Variants in ARHGEF38 observed in about 807,000 individuals in gnomAD.
ARHGEF38 encodes Rho guanine nucleotide exchange factor 38.
ARHGEF38 carries 79 observed loss-of-function variants against 79.9 expected under a neutral mutation model. That is an observed-to-expected ratio of 0.99 (90% CI 0.82 to 1.19). The LOEUF is 1.19. ARHGEF38 is among the 50% of genes most tolerant of loss of function. The pLI, the probability that ARHGEF38 is intolerant of heterozygous loss-of-function variation, is 0.00. For synonymous variants in ARHGEF38, 366 were observed against 328.3 expected (o/e 1.11, Z -1.24); for missense variants, 962 against 907.2 (o/e 1.06, Z -0.78).
At position 105,568,052 on chromosome 4, in the gene ARHGEF38, G is replaced by A. The variant is rs925035024; in HGVS notation, c.196+15091G>A. ...GCGGTGTTTGGTTTTTTGTTCTTGCGATAGTTTACTGAGAATGATGATTTC... is the reference window on the plus strand; with the variant it reads ...GCGGTGTTTGGTTTTTTGTTCTTGCAATAGTTTACTGAGAATGATGATTTC... On this transcript the variant is annotated intron_variant, in intron 1 of 13. Coordinates refer to ENST00000420470, the MANE Select transcript of ARHGEF38 (RefSeq NM_001242729.2). Among the ~76,000 whole-genome samples the A allele has an allele frequency of 3.0e-4, 45 of 148,666 alleles. 1 individual carries two copies. Among genetic ancestry groups the A allele is most frequent in the Admixed American group, 2.2e-3 (33 of 14,706 alleles).
At chr4:105,574,392 A>C (rs1726381249) in intron 1 of ARHGEF38, among the ~76,000 whole-genome samples, 1 of 151,002 alleles carries the variant, frequency 6.6e-6, no homozygotes, top group Non-Finnish European at 1.5e-5. Context: ...CTAAAGATAC[A>C]AAAAAAAATT....
intron 4 of ARHGEF38, among the ~76,000 whole-genome samples, chr4:105,635,397 T>G (rs1729357434): frequency 6.6e-6 from 1 of 152,110 alleles, no homozygotes; most frequent in Non-Finnish European, 1.5e-5. Context: ...ACACAATGTT[T>G]AATTTATGTT....
intron 2 of ARHGEF38, among the ~76,000 whole-genome samples, chr4:105,603,930 T>C (rs1727930565): frequency 1.3e-5 from 2 of 152,200 alleles, no homozygotes; most frequent in South Asian, 2.1e-4. Context: ...ATCTGATAGC[T>C]AAGAAATTGA....
At chr4:105,565,172 C>T (rs1172926702) in intron 1 of ARHGEF38, among the ~76,000 whole-genome samples, 1 of 152,102 alleles carries the variant, frequency 6.6e-6, no homozygotes, top group Non-Finnish European at 1.5e-5. Context: ...AATCACATGC[C>T]CTTCCAATGA....
At chr4:105,654,203 A>G in intron 8 of ARHGEF38, 34 bp downstream of exon 8, 2 of 1,222,396 alleles carry the variant, frequency 1.6e-6, no homozygotes, top group South Asian at 1.6e-5. Context: ...AGTGTTCTAC[A>G]GGAACATCTG....
chr4:105,602,812 G>A (rs796181133), intron 2 of ARHGEF38, among the ~76,000 whole-genome samples: 21 of 152,182 alleles, frequency 1.4e-4, no homozygotes, highest in African/African-American at 5.1e-4. Flanking sequence ...TTTTGACAAA[G>A]GTAGTTGTTC....
At chr4:105,590,833 T>A (rs753664782) in intron 2 of ARHGEF38, among the ~76,000 whole-genome samples, 2 of 152,234 alleles carry the variant, frequency 1.3e-5, no homozygotes, top group Non-Finnish European at 2.9e-5. Context: ...ATTTCATAAA[T>A]GTTCTTTTGA....
At position 105,589,352 on chromosome 4, in the gene ARHGEF38, G is replaced by T; in HGVS notation, c.301G>T (p.Glu101Ter). 1 of 1,614,108 alleles carries T rather than the reference G, an allele frequency of 6.2e-7. No homozygotes were observed. Among genetic ancestry groups the T allele is most frequent in the Non-Finnish European group, 8.5e-7 (1 of 1,179,994 alleles). The change falls in exon 2 of 14, where the codon GAG becomes TAG. Residue 101 changes from glutamate to a stop codon, truncating the protein, a stop_gained. Transcript: ENST00000420470. LOFTEE classifies it high-confidence loss of function. ...GGCAAAGCGGGAAAAGATCATTAAG[G>T]AGCTGATACAGACAGAAAAGGATTA... ...MMAKREKIIK[E>*]LIQTEKDYLN... is the part of the protein sequence containing the mutation.
chr4:105,645,081 G>T, intron 5 of ARHGEF38, 107 bp from the exon 6 acceptor site: 4 of 903,422 alleles, frequency 4.4e-6, no homozygotes, highest in Non-Finnish European at 5.9e-6. Flanking sequence ...ATATACAAAT[G>T]AAAAAAAGAG....
intron 13 of ARHGEF38, among the ~76,000 whole-genome samples, chr4:105,671,364 C>G (rs77120253): frequency 1.3e-5 from 2 of 152,122 alleles, no homozygotes; most frequent in East Asian, 3.9e-4. Context: ...GAGGATGCAC[C>G]TGTTGGAAAC....
intron 1 of ARHGEF38, among the ~76,000 whole-genome samples, chr4:105,580,489 G>A (rs1288477470): frequency 6.6e-6 from 1 of 152,146 alleles, no homozygotes. Context: ...AGTCATTCAT[G>A]AACAAGTTGT....
intron 3 of ARHGEF38, among the ~76,000 whole-genome samples, chr4:105,615,495 G>A (rs1728475360): frequency 6.6e-6 from 1 of 152,204 alleles, no homozygotes; most frequent in Non-Finnish European, 1.5e-5. Context: ...ACAAGTTGTT[G>A]ATTCATGTGC....
At chr4:105,575,490 C>T (rs1403317911) in intron 1 of ARHGEF38, among the ~76,000 whole-genome samples, 1 of 151,900 alleles carries the variant, frequency 6.6e-6, no homozygotes, top group African/African-American at 2.4e-5. Context: ...TTGCCCACTT[C>T]TTGATGAGGT....
chr4:105,679,200 G>C lies in ARHGEF38; in HGVS notation c.*1263G>C. The C allele has an allele frequency of 1.6e-6, 1 of 627,526 alleles. No individual in the cohort carries two copies. Among genetic ancestry groups the C allele is most frequent in the Non-Finnish European group, 2.9e-6 (1 of 348,364 alleles). 38.9% of individuals were successfully genotyped at this position (627,526 alleles called of 1,614,324 possible). ...ATCGACAACCTGACTGGCCTGACCA[G>C]CCACTCCTCTGTCTGGAATTAAAAG... On this transcript the variant is annotated 3_prime_UTR_variant, in exon 14 of 14. Transcript: ENST00000420470.
At chr4:105,600,494 C>T (rs1469411184) in intron 2 of ARHGEF38, among the ~76,000 whole-genome samples, 1 of 152,182 alleles carries the variant, frequency 6.6e-6, no homozygotes, top group East Asian at 1.9e-4. Flanking sequence ...CATCTATAAA[C>T]ACTAAAGTAA....
intron 1 of ARHGEF38, chr4:105,570,009 C>T (rs956015614): frequency 1.3e-5 from 2 of 152,174 alleles, no homozygotes; most frequent in Admixed American, 6.6e-5. Context: ...AATTCCACTA[C>T]ATAGAACATG....
At chr4:105,568,940 G>A (rs560958571) in intron 1 of ARHGEF38, among the ~76,000 whole-genome samples, 1 of 152,124 alleles carries the variant, frequency 6.6e-6, no homozygotes, top group African/African-American at 2.4e-5. Flanking sequence ...CTTAAGCTTG[G>A]TATATGAAAT....
intron 3 of ARHGEF38, among the ~76,000 whole-genome samples, chr4:105,626,762 T>A (rs1055725530): frequency 6.6e-6 from 1 of 152,054 alleles, no homozygotes; most frequent in Non-Finnish European, 1.5e-5. Context: ...CCATCGGTGC[T>A]TCACCATCAC....
intron 2 of ARHGEF38, among the ~76,000 whole-genome samples, chr4:105,612,940 A>G (rs899461860): frequency 2.6e-5 from 4 of 152,260 alleles, no homozygotes; most frequent in South Asian, 4.1e-4. Flanking sequence ...AAAGCAACCC[A>G]GCACATCTAC....
Sources: gnomAD v4.1 joint callset for allele counts (sites outside exome capture counted in the v4.1 genomes callset) on GRCh38, gnomAD v4.1.1 for gene constraint, MANE v1.5 for transcripts, NCBI Gene and HGNC (gene_info 2026-07-23, HGNC 2026-07-21) for gene names.